The following PARD3 variants were observed in gnomAD, a reference collection of about 807,000 sequenced individuals.
PARD3 encodes par-3 family cell polarity regulator.
A neutral mutation model predicts 155.4 loss-of-function variants in PARD3; 75 were observed. The ratio of observed to expected loss-of-function variants is 0.48; its 90% CI spans 0.40 to 0.58. PARD3 has a LOEUF of 0.58. Among genes scored for constraint, PARD3 ranks in the 20% least tolerant of loss-of-function variants. The probability of loss-of-function intolerance (pLI) is 0.00; values close to 1 mark genes in which losing one functional copy is unlikely to be tolerated. For synonymous variants in PARD3, 576 were observed against 610.5 expected (o/e 0.94, Z 0.83); for missense variants, 1,642 against 1,721.7 (o/e 0.95, Z 0.82).
chr10:34,734,366 C>T (rs980270267), intron 1 of PARD3, among the ~76,000 whole-genome samples: 34 of 112,214 alleles, frequency 3.0e-4, no homozygotes, highest in East Asian at 9.0e-4. Context: ...GACAGAGTCT[C>T]GCTCTGTCGC....
At chr10:34,359,361 C>A in intron 13 of PARD3, 44 bp from the exon 14 acceptor site, 5 of 1,358,044 alleles carry the variant, frequency 3.7e-6, no homozygotes, top group South Asian at 2.8e-5. Flanking sequence ...AAACAGACTG[C>A]TATAAAAGAA....
chr10:34,558,764 A>C (rs2085219935), intron 2 of PARD3, among the ~76,000 whole-genome samples: 1 of 152,082 alleles, frequency 6.6e-6, no homozygotes, highest in Non-Finnish European at 1.5e-5. Context: ...AACCCCACAG[A>C]TCTCAAACCC....
At position 34,397,382 on chromosome 10, in the gene PARD3, AG is replaced by A. The variant is rs200175630; in HGVS notation, c.890+1947del. ...ATGAAAATTGGTGATGCCTAAGAAG[AG>A]GTTATAAAGAATCTGTTTTTCTTAA... On this transcript the variant is annotated intron_variant, in intron 7 of 24. Coordinates refer to ENST00000374788, the MANE Select transcript of PARD3 (RefSeq NM_001184785.2). Among the ~76,000 whole-genome samples, 1,208 of 152,332 alleles carry A rather than the reference AG, an allele frequency of 7.9e-3. 19 individuals are homozygous for A. The highest frequency in any genetic ancestry group is 0.027 in the African/African-American group (1,143 of 41,568).
At chr10:34,373,225 A>AAC (rs1439763074) in intron 11 of PARD3, among the ~76,000 whole-genome samples, 1 of 152,118 alleles carries the variant, frequency 6.6e-6, no homozygotes, top group Admixed American at 6.6e-5. Context: ...AAGCAGCTGC[A>AAC]ACATGCATAA....
intron 1 of PARD3, among the ~76,000 whole-genome samples, chr10:34,790,417 G>A (rs1841490636): frequency 6.6e-6 from 1 of 152,176 alleles, no homozygotes; most frequent in African/African-American, 2.4e-5. Context: ...CAGAGTAACT[G>A]AAAGTGACAG....
At chr10:34,198,750 C>A (rs1167613897) in intron 22 of PARD3, among the ~76,000 whole-genome samples, 2 of 152,080 alleles carry the variant, frequency 1.3e-5, no homozygotes, top group African/African-American at 4.8e-5. Context: ...AACAGTCAAC[C>A]CCTTAGAAAG....
chr10:34,729,243 G>A lies in PARD3; in HGVS notation c.121-32824C>T, dbSNP rs114412760. 5.3e-3 allele frequency among the ~76,000 whole-genome samples: 813 copies of A among 152,274 alleles called. 8 individuals carry two copies. Among genetic ancestry groups the A allele is most frequent in the African/African-American group, 0.018 (733 of 41,564 alleles). ...CAGCCTACGCTTTTAAAGATATGAT[G>A]CTATTGGCCAGGCGTGGAGGCTCAT... On this transcript the variant is annotated intron_variant, in intron 1 of 24. Coordinates refer to ENST00000374788, the MANE Select transcript of PARD3 (RefSeq NM_001184785.2).
chr10:34,321,748 A>T (rs1409675120), intron 19 of PARD3, among the ~76,000 whole-genome samples: 1 of 152,162 alleles, frequency 6.6e-6, no homozygotes, highest in Non-Finnish European at 1.5e-5. Context: ...AAGGCACTCA[A>T]CTCTGAAAGG....
rs1953480135 is a variant in PARD3, at chr10:34,240,012, CA to C, written c.3419+29644del. Among the ~76,000 whole-genome samples, 3 of 152,302 alleles carry C rather than the reference CA, an allele frequency of 2.0e-5. No homozygotes were observed. The South Asian group carries it at 6.2e-4, about 32-fold the overall frequency. On this transcript the variant is annotated intron_variant, in intron 22 of 24. Coordinates refer to ENST00000374788, the MANE Select transcript of PARD3 (RefSeq NM_001184785.2). ...TTGGATAAACAGAAGCAGCAGCTAA[CA>C]ATCACTGAGCAATCCTATGTGACAG...
intron 1 of PARD3, among the ~76,000 whole-genome samples, chr10:34,739,545 C>A (rs1300843775): frequency 6.6e-6 from 1 of 152,116 alleles, no homozygotes; most frequent in East Asian, 1.9e-4. Context: ...AACTTTGTTG[C>A]AGAGTTGCAG....
At chr10:34,692,188 C>T (rs984219788) in intron 2 of PARD3, among the ~76,000 whole-genome samples, 11 of 149,860 alleles carry the variant, frequency 7.3e-5, no homozygotes, top group East Asian at 3.9e-4. Context: ...GCTGAGATCG[C>T]GCCATTGCAC....
chr10:34,488,477 A>G (rs542795921), intron 3 of PARD3: 12 of 151,844 alleles, frequency 7.9e-5, no homozygotes, highest in Admixed American at 2.6e-4. Flanking sequence ...TGGGATGCAA[A>G]TGAATCTTCA....
intron 15 of PARD3, among the ~76,000 whole-genome samples, chr10:34,346,884 T>C (rs1002207417): frequency 3.3e-5 from 5 of 152,228 alleles, no homozygotes; most frequent in Admixed American, 2.0e-4. Flanking sequence ...AAACAGACAA[T>C]TCTACTAGAC....
chr10:34,448,874 C>T (rs1305319452), intron 5 of PARD3, among the ~76,000 whole-genome samples: 2 of 150,792 alleles, frequency 1.3e-5, no homozygotes, highest in Admixed American at 6.6e-5. Flanking sequence ...TTTCACCACA[C>T]ATACACACAA....
intron 20 of PARD3, 25 bp from the exon 21 acceptor site, chr10:34,284,270 T>C (rs766598890): frequency 7.5e-6 from 10 of 1,341,010 alleles, no homozygotes; most frequent in Non-Finnish European, 8.5e-6. Flanking sequence ...AAATTCTAAC[T>C]TGTCAATATA....
At chr10:34,771,411 T>C (rs1000583183) in intron 1 of PARD3, among the ~76,000 whole-genome samples, 1 of 152,208 alleles carries the variant, frequency 6.6e-6, no homozygotes, top group Non-Finnish European at 1.5e-5. Context: ...TGTAGCATAG[T>C]GCCTGGCACA....
intron 7 of PARD3, among the ~76,000 whole-genome samples, chr10:34,386,752 G>A (rs1184128422): frequency 6.6e-6 from 1 of 150,966 alleles, no homozygotes; most frequent in Non-Finnish European, 1.5e-5. Context: ...AACCCAGGAG[G>A]CAGAGGTTGC....
chr10:34,616,980 G>A (rs1408445574), intron 2 of PARD3, among the ~76,000 whole-genome samples: 1 of 151,688 alleles, frequency 6.6e-6, no homozygotes, highest in Non-Finnish European at 1.5e-5. Flanking sequence ...TCTTGGCCGG[G>A]GGCGGTGGCT....
chr10:34,636,659 T>C (rs529218130), intron 2 of PARD3, among the ~76,000 whole-genome samples: 1 of 152,182 alleles, frequency 6.6e-6, no homozygotes, highest in Non-Finnish European at 1.5e-5. Context: ...CCAATTAGAA[T>C]AAATTGATTT....
Sources: gnomAD v4.1 joint callset for allele counts (sites outside exome capture counted in the v4.1 genomes callset) on GRCh38, gnomAD v4.1.1 for gene constraint, MANE v1.5 for transcripts, NCBI Gene and HGNC (gene_info 2026-07-23, HGNC 2026-07-21) for gene names.